Variants in C6orf62 observed in about 807,000 individuals in gnomAD.
The protein encoded by C6orf62 is chromosome 6 open reading frame 62.
In C6orf62, 16 loss-of-function variants were observed where a neutral mutation model predicts 26.8. The ratio of observed to expected loss-of-function variants is 0.60; its 90% CI spans 0.40 to 0.91. The LOEUF is 0.91. Among genes scored for constraint, C6orf62 ranks in the 40% least tolerant of loss-of-function variants. The probability of loss-of-function intolerance (pLI) is 0.00; values close to 1 mark genes in which losing one functional copy is unlikely to be tolerated. For missense variants in C6orf62, 192 were observed against 271.4 expected (o/e 0.71, Z 2.06); for synonymous variants, 112 against 91.5 (o/e 1.22, Z -1.28).
rs1318880575 is a variant in C6orf62, at chr6:24,705,213, C to G, written c.*924G>C. 2 of 152,528 alleles carry G rather than the reference C, an allele frequency of 1.3e-5. No homozygotes were observed. The highest frequency in any genetic ancestry group is 2.9e-5 in the Non-Finnish European group (2 of 68,010). 9.4% of individuals were successfully genotyped at this position (152,528 alleles called of 1,614,324 possible). A position where few individuals can be genotyped will look rare whatever the true frequency, so the allele number is the denominator to read the frequency against. On this transcript the variant is annotated 3_prime_UTR_variant, in exon 5 of 5. Coordinates refer to ENST00000378119, the MANE Select transcript of C6orf62 (RefSeq NM_030939.5). ...ATAACCTTTTTTCTACTCCAAAACA[C>G]CCTTGTAAAGTTTTTCTTTAGGATG...
At chr6:24,712,278 A>G (rs1268756993) in intron 3 of C6orf62, among the ~76,000 whole-genome samples, 1 of 152,092 alleles carries the variant, frequency 6.6e-6, no homozygotes, top group East Asian at 1.9e-4. Context: ...GCTACTCAAG[A>G]GGCTGAGGCA....
chr6:24,719,804 C>T (rs1314983006), upstream of C6orf62: 17 of 1,548,092 alleles, frequency 1.1e-5, no homozygotes, highest in East Asian at 3.9e-4. Context: ...AGACCACCTG[C>T]CTTCCACCCC....
upstream of C6orf62, chr6:24,719,926 C>T (rs751396038): frequency 6.4e-7 from 1 of 1,550,390 alleles, no homozygotes; most frequent in Non-Finnish European, 8.7e-7. Context: ...AATTCCCGCC[C>T]GGGTGGAGTG....
intron 1 of C6orf62, 36 bp from the exon 2 acceptor site, chr6:24,716,360 G>C (rs1232006941): frequency 1.3e-6 from 2 of 1,500,506 alleles, no homozygotes; most frequent in Non-Finnish European, 9.2e-7. Context: ...AACCCACAGG[G>C]AGCACAGCCT....
upstream of C6orf62, chr6:24,719,418 A>T: frequency 9.6e-7 from 1 of 1,045,314 alleles, no homozygotes; most frequent in South Asian, 3.1e-5. Flanking sequence ...CCTGCAATCA[A>T]CTACAGTGTA....
At chr6:24,711,645 A>C (rs1182164281) in intron 3 of C6orf62, among the ~76,000 whole-genome samples, 1 of 152,086 alleles carries the variant, frequency 6.6e-6, no homozygotes, top group African/African-American at 2.4e-5. Context: ...AAATTAATTA[A>C]ATTTTAAAAA....
rs560206494 is a variant in C6orf62, at chr6:24,708,589, C to T, written c.564+188G>A. ...CTGAGCTCAAGCAATATGCCCGCCT[C>T]GGCTTTCCAAAGTGCTGGGATTACA... On this transcript the variant is annotated intron_variant, in intron 4 of 4. Coordinates refer to ENST00000378119, the MANE Select transcript of C6orf62 (RefSeq NM_030939.5). Among the ~76,000 whole-genome samples the T allele has an allele frequency of 2.6e-5, 4 of 152,316 alleles. No homozygotes were observed. In the South Asian group the frequency reaches 6.2e-4, roughly 24 times the overall value.
chr6:24,718,554 C>G lies in C6orf62; in HGVS notation c.115G>C (p.Val39Leu), dbSNP rs200345046. The G allele has an allele frequency of 3.7e-6, 6 of 1,608,726 alleles. No homozygotes were observed. The highest frequency in any genetic ancestry group is 1.3e-5 in the African/African-American group (1 of 74,744). Residue 39 changes from valine to leucine, a missense_variant, in exon 1 of 5, where the codon GTA (valine) becomes CTA (leucine). Val to Leu is a conservative substitution (Grantham distance 32, BLOSUM62 1). Coordinates refer to ENST00000378119, the MANE Select transcript of C6orf62 (RefSeq NM_030939.5). ...CTTTAAATTACCTTCTCCTTGAATA[C>G]AAAGGCAATATACATCTTGAAGTCA... ...QFDFKMYIAF[V>L]FKEKKKKSAL...
chr6:24,711,257 A>ACACACACACACACACACAC (rs1554192457), intron 3 of C6orf62, among the ~76,000 whole-genome samples: 4 of 151,066 alleles, frequency 2.6e-5, no homozygotes, highest in African/African-American at 9.8e-5. Flanking sequence ...CACACACACA[A>ACACACACACACACACACAC]ACACACACAC....
At position 24,716,276 on chromosome 6, in the gene C6orf62, T is replaced by C. The variant is rs376277860; in HGVS notation, c.178A>G (p.Thr60Ala). The change falls in exon 2 of 5, where the codon ACA (threonine) becomes GCA (alanine). Residue 60 changes from threonine (T) to alanine (A), a missense_variant. By Grantham distance (58) the Thr-to-Ala change is moderately conservative (BLOSUM62 0). Coordinates refer to ENST00000378119, the MANE Select transcript of C6orf62 (RefSeq NM_030939.5). ...FEVSEVIPVM[T>A]NNYEENILKG... ...AGGATATTTTCTTCATAATTATTTG[T>C]CATGACTGGTATAACCTCAGACACT... 37 of 1,614,062 alleles carry C rather than the reference T, an allele frequency of 2.3e-5. No homozygotes were observed. The highest frequency in any genetic ancestry group is 2.7e-5 in the Non-Finnish European group (32 of 1,179,906).
chr6:24,714,971 T>C (rs1326415273), intron 2 of C6orf62, among the ~76,000 whole-genome samples: 1 of 152,162 alleles, frequency 6.6e-6, no homozygotes, highest in Non-Finnish European at 1.5e-5. Context: ...CCAATGCTCC[T>C]AACACCAAGA....
Position 24,709,215 on chromosome 6 carries a change from A to G in C6orf62, c.430-304T>C, listed in dbSNP as rs373109247. ...CAGAACATTTCCTTAATTGTAGAGAATTCTATTGGACAGTACACTCCACAA... is the reference window on the plus strand; with the variant it reads ...CAGAACATTTCCTTAATTGTAGAGAGTTCTATTGGACAGTACACTCCACAA... On this transcript the variant is annotated intron_variant, in intron 3 of 4. Coordinates refer to ENST00000378119, the MANE Select transcript of C6orf62 (RefSeq NM_030939.5). 209 of 984,348 alleles carry G rather than the reference A, an allele frequency of 2.1e-4. 2 individuals carry two copies. Among genetic ancestry groups the G allele is most frequent in the African/African-American group, 1.5e-3 (84 of 57,206 alleles). 61.0% of individuals were successfully genotyped at this position (984,348 alleles called of 1,614,324 possible).
At chr6:24,719,395 G>C (rs1779306548), upstream of C6orf62, 1 of 1,014,890 alleles carries the variant, frequency 9.9e-7, no homozygotes, top group Non-Finnish European at 1.2e-6. Context: ...GAAAGGGAGA[G>C]GTACAGGGTT....
chr6:24,710,453 A>G (rs1779098546), intron 3 of C6orf62: 1 of 410,950 alleles, frequency 2.4e-6, no homozygotes, highest in Non-Finnish European at 3.3e-6. Flanking sequence ...TAGTAGAGAT[A>G]GGACTTCTTT....
intron 2 of C6orf62, among the ~76,000 whole-genome samples, chr6:24,715,796 C>G (rs1038747596): frequency 1.4e-5 from 2 of 143,972 alleles, no homozygotes; most frequent in Non-Finnish European, 3.0e-5. Context: ...TTGCAGTGAG[C>G]CAAGATCATG....
At chr6:24,720,432 G>T, upstream of C6orf62, 1 of 1,116,702 alleles carries the variant, frequency 9.0e-7, no homozygotes, top group Non-Finnish European at 1.1e-6. Context: ...CCCCCACCTG[G>T]GACCCATAGT....
At chr6:24,719,491 A>T, upstream of C6orf62, 1 of 1,115,456 alleles carries the variant, frequency 9.0e-7, no homozygotes, top group South Asian at 2.5e-5. Context: ...GTCATTACCA[A>T]CTTCCCCATC....
Position 24,719,135 on chromosome 6 carries a change from G to C in C6orf62, c.-467C>G, listed in dbSNP as rs79128649. The C allele has an allele frequency of 1.2e-6, 1 of 821,122 alleles. No homozygotes were observed. Among genetic ancestry groups the C allele is most frequent in the South Asian group, 5.6e-5 (1 of 18,018 alleles). The allele number at this position is 821,122 out of a possible 1,614,324, so 50.9% of individuals were successfully genotyped here. A position where few individuals can be genotyped will look rare whatever the true frequency, so the allele number is the denominator to read the frequency against. On this transcript the variant is annotated 5_prime_UTR_variant, in exon 1 of 5. Coordinates refer to ENST00000378119, the MANE Select transcript of C6orf62 (RefSeq NM_030939.5). ...AAAGGGATTAAGGAACAGGGAGGGG[G>C]AAGTGTGATCCTTGCTTTCCAAAAA...
Position 24,718,341 on chromosome 6 carries a change from AGAACGCTCAAGGGTCT to A in C6orf62, c.129+183_129+198del, listed in dbSNP as rs556592225. ...AGACTCAAATTTATTTCCAAACCAAAGAACGCTCAAGGGTCTTTTCGCATGCTGCAACTGCTCAATT... is the reference window on the plus strand; with the variant it reads ...AGACTCAAATTTATTTCCAAACCAAATTTCGCATGCTGCAACTGCTCAATT... On this transcript the variant is annotated intron_variant, in intron 1 of 4. Transcript: ENST00000378119. Among the ~76,000 whole-genome samples, 157 of 152,360 alleles carry A rather than the reference AGAACGCTCAAGGGTCT, an allele frequency of 1.0e-3. 1 individual carries two copies. The highest frequency in any genetic ancestry group is 3.4e-3 in the African/African-American group (143 of 41,582).
Sources: allele counts gnomAD v4.1 joint callset (sites outside exome capture counted in the v4.1 genomes callset), GRCh38; gene constraint gnomAD v4.1.1; transcripts MANE v1.5; gene names NCBI Gene and HGNC (gene_info 2026-07-23, HGNC 2026-07-21).